The following GRIP1 variants were observed in gnomAD, a reference collection of about 807,000 sequenced individuals.
The protein encoded by GRIP1 is glutamate receptor-interacting protein 1.
A neutral mutation model predicts 129.9 loss-of-function variants in GRIP1; 45 were observed. The ratio of observed to expected loss-of-function variants is 0.35; its 90% CI spans 0.27 to 0.44. The LOEUF (loss-of-function observed/expected upper bound fraction) is 0.44. Ranked by LOEUF, GRIP1 falls within the 20% of genes least tolerant of loss-of-function variation. The pLI is 1.00. For synonymous variants in GRIP1, 530 were observed against 520.8 expected (o/e 1.02, Z -0.24); for missense variants, 1,196 against 1,396.8 (o/e 0.86, Z 2.29).
At chr12:66,613,708 A>G (rs2064914992) in intron 1 of GRIP1, among the ~76,000 whole-genome samples, 1 of 152,188 alleles carries the variant, frequency 6.6e-6, no homozygotes, top group Non-Finnish European at 1.5e-5. Context: ...TCTCCCAGCT[A>G]GGAAGAGAGT....
chr12:66,826,102 T>C (rs1453403862), intron 1 of GRIP1, among the ~76,000 whole-genome samples: 1 of 152,112 alleles, frequency 6.6e-6, no homozygotes, highest in Non-Finnish European at 1.5e-5. Context: ...ATGTGGCACA[T>C]ATACACCATG....
At chr12:66,957,457 G>A (rs1031576068) in intron 1 of GRIP1, among the ~76,000 whole-genome samples, 6 of 150,796 alleles carry the variant, frequency 4.0e-5, no homozygotes, top group South Asian at 2.1e-4. Flanking sequence ...CTGTTCCAGC[G>A]TCTCATCCAG....
At chr12:66,776,497 ATTC>A (rs2037984086) in intron 1 of GRIP1, among the ~76,000 whole-genome samples, 1 of 152,230 alleles carries the variant, frequency 6.6e-6, no homozygotes, top group Non-Finnish European at 1.5e-5. Flanking sequence ...ATATAGCATA[ATTC>A]AAACAGAATT....
At chr12:66,905,477 A>G (rs1309399064) in intron 1 of GRIP1, among the ~76,000 whole-genome samples, 1 of 152,228 alleles carries the variant, frequency 6.6e-6, no homozygotes, top group Non-Finnish European at 1.5e-5. Flanking sequence ...TTGCTAAGAT[A>G]ATCTTAACTC....
intron 1 of GRIP1, among the ~76,000 whole-genome samples, chr12:66,642,216 G>A (rs2031993930): frequency 6.6e-6 from 1 of 152,126 alleles, no homozygotes; most frequent in Non-Finnish European, 1.5e-5. Flanking sequence ...TTGGGAAAGT[G>A]ACATCTAAAT....
chr12:66,587,149 A>G (rs1392911534), intron 2 of GRIP1, among the ~76,000 whole-genome samples: 3 of 152,062 alleles, frequency 2.0e-5, no homozygotes, highest in Non-Finnish European at 4.4e-5. Context: ...GTTTCTTTTC[A>G]CTTATTAGCA....
At chr12:66,863,549 T>C (rs1187169467) in intron 1 of GRIP1, among the ~76,000 whole-genome samples, 1 of 151,976 alleles carries the variant, frequency 6.6e-6, no homozygotes, top group Non-Finnish European at 1.5e-5. Flanking sequence ...ATGGAGGAAG[T>C]GCATTCCTAG....
rs931658462 is a variant in GRIP1 at position 66,391,856 on chromosome 12, G to GA, written c.2464+451dup. 2.2e-4 allele frequency among the ~76,000 whole-genome samples: 32 copies of GA among 146,750 alleles called. No homozygotes were observed. In the South Asian group the frequency reaches 5.2e-3, roughly 24 times the overall value. On this transcript the variant is annotated intron_variant, in intron 19 of 24. Transcript: ENST00000359742. ...ACAGAGTGAGACCCAGTCTCTAAAA[G>GA]AAAAAAAAAAGTCAGGAGTGTGCAG...
chr12:66,402,548 G>A (rs1046141783), intron 16 of GRIP1, among the ~76,000 whole-genome samples: 4 of 152,186 alleles, frequency 2.6e-5, no homozygotes, highest in African/African-American at 9.7e-5. Flanking sequence ...TGCAGTACAA[G>A]CTAGCTTAGG....
At chr12:66,939,401 G>A (rs868771386) in intron 1 of GRIP1, among the ~76,000 whole-genome samples, 5 of 152,124 alleles carry the variant, frequency 3.3e-5, no homozygotes, top group Non-Finnish European at 7.4e-5. Flanking sequence ...TACATCCTAG[G>A]CTCTAGGGAT....
At chr12:66,876,450 C>T (rs2040384927) in intron 1 of GRIP1, among the ~76,000 whole-genome samples, 1 of 152,004 alleles carries the variant, frequency 6.6e-6, no homozygotes, top group Non-Finnish European at 1.5e-5. Flanking sequence ...CATTACTGGC[C>T]TAAACCTAGT....
Position 66,444,461 on chromosome 12 carries a change from C to G in GRIP1, c.1687+123G>C, listed in dbSNP as rs531757551. The G allele has an allele frequency of 5.7e-3, 4,720 of 833,090 alleles. 23 individuals are homozygous for G. Among genetic ancestry groups the G allele is most frequent in the Non-Finnish European group, 7.5e-3 (4,025 of 535,134 alleles). The allele number at this position is 833,090 out of a possible 1,614,324, so 51.6% of individuals were successfully genotyped here. A position where few individuals can be genotyped will look rare whatever the true frequency, so the allele number is the denominator to read the frequency against. ...AGATTGCGCCACTGCAGTCCGCAGT[C>G]CAGCCTGGGCGACAGAGCGAGACTC... is the stretch of plus-strand genomic sequence containing the variant. On this transcript the variant is annotated intron_variant, in intron 13 of 24. Coordinates refer to ENST00000359742, the MANE Select transcript of GRIP1 (RefSeq NM_001366722.1).
intron 4 of GRIP1, among the ~76,000 whole-genome samples, chr12:66,530,474 T>C (rs1183948639): frequency 6.6e-6 from 1 of 152,192 alleles, no homozygotes; most frequent in Non-Finnish European, 1.5e-5. Context: ...TCTAAGTGCA[T>C]TTAAAATACT....
At chr12:67,064,052 T>A (rs2043580778) in intron 1 of GRIP1, among the ~76,000 whole-genome samples, 1 of 152,224 alleles carries the variant, frequency 6.6e-6, no homozygotes, top group Non-Finnish European at 1.5e-5. Context: ...TGGCAAGTCT[T>A]TGGTGGAAAA....
intron 20 of GRIP1, among the ~76,000 whole-genome samples, chr12:66,377,918 A>G (rs1332661097): frequency 2.0e-5 from 3 of 151,658 alleles, no homozygotes; most frequent in South Asian, 2.1e-4. Context: ...TTCAGCTGCT[A>G]TATCTACAAG....
At chr12:66,635,244 C>G (rs920830230) in intron 1 of GRIP1, among the ~76,000 whole-genome samples, 3 of 151,594 alleles carry the variant, frequency 2.0e-5, no homozygotes, top group Non-Finnish European at 2.9e-5. Context: ...ATAGCGAGAC[C>G]CCATCTTTAT....
At chr12:66,647,327 C>A (rs1441862795) in intron 1 of GRIP1, 1 of 152,156 alleles carries the variant, frequency 6.6e-6, no homozygotes, top group Non-Finnish European at 1.5e-5. Context: ...ACTTTTTCAG[C>A]CCTTTGAAAT....
At chr12:66,366,680 G>A (rs990391369) in intron 23 of GRIP1, among the ~76,000 whole-genome samples, 3 of 152,030 alleles carry the variant, frequency 2.0e-5, no homozygotes, top group African/African-American at 7.2e-5. Flanking sequence ...TATGATTTTT[G>A]TTTTTGTTTT....
At chr12:66,423,472 T>C (rs2057878905) in intron 14 of GRIP1, among the ~76,000 whole-genome samples, 1 of 152,242 alleles carries the variant, frequency 6.6e-6, no homozygotes, top group Non-Finnish European at 1.5e-5. Flanking sequence ...TCTCACTCAC[T>C]GAGTTGCCTC....
Sources: allele counts gnomAD v4.1 joint callset (sites outside exome capture counted in the v4.1 genomes callset), GRCh38; gene constraint gnomAD v4.1.1; transcripts MANE v1.5; gene names NCBI Gene and HGNC (gene_info 2026-07-23, HGNC 2026-07-21).